The following KCNG3 variants were observed in gnomAD, a reference collection of about 807,000 sequenced individuals.
The protein encoded by KCNG3 is potassium voltage-gated channel modifier subfamily G member 3.
A neutral mutation model predicts 29.0 loss-of-function variants in KCNG3; 15 were observed. The observed-to-expected ratio is 0.52, with a 90% confidence interval of 0.35 to 0.80. The LOEUF is 0.80. Ranked by LOEUF, KCNG3 falls within the 30% of genes least tolerant of loss-of-function variation. KCNG3 has a pLI of 0.01. For synonymous variants in KCNG3, 322 were observed against 248.9 expected, an observed-to-expected ratio of 1.29 and a Z score of -2.76; for missense variants, 512 against 605.7, an observed-to-expected ratio of 0.85 and a Z score of 1.62.
At chr2:42,415,942 C>T in the KCNG3 span, among the ~76,000 whole-genome samples, 35 of 152,170 alleles carry the variant, frequency 2.3e-4, 1 homozygote, top group Non-Finnish European at 4.3e-4. Flanking sequence ...TGGCTGTAAT[C>T]TGAGTACTTT....
At chr2:42,414,138 T>C in the KCNG3 span, among the ~76,000 whole-genome samples, 2 of 152,226 alleles carry the variant, frequency 1.3e-5, no homozygotes, top group Non-Finnish European at 2.9e-5. Flanking sequence ...TTAAAGTTTG[T>C]CAACATGTTT....
At chr2:42,422,363 C>T in the KCNG3 span, among the ~76,000 whole-genome samples, 1 of 152,112 alleles carries the variant, frequency 6.6e-6, no homozygotes, top group Non-Finnish European at 1.5e-5. Flanking sequence ...TGTTATGATA[C>T]AGCTAGAAGG....
intron 1 of KCNG3, among the ~76,000 whole-genome samples, chr2:42,445,168 T>C (rs537618439): frequency 7.2e-5 from 11 of 152,252 alleles, no homozygotes; most frequent in African/African-American, 2.6e-4. Flanking sequence ...CTAATACTTT[T>C]AAAAAATATC....
the KCNG3 span, among the ~76,000 whole-genome samples, chr2:42,419,219 C>CTT: frequency 0.016 from 440 of 27,744 alleles, 121 homozygotes; most frequent in South Asian, 0.035. Context: ...GATGGTATCT[C>CTT]TTTTTTTTTT....
intron 1 of KCNG3, among the ~76,000 whole-genome samples, chr2:42,473,958 C>A (rs1456699803): frequency 6.6e-6 from 1 of 151,956 alleles, no homozygotes; most frequent in Non-Finnish European, 1.5e-5. Flanking sequence ...TCGAGACCAG[C>A]CTGGCCAACA....
the KCNG3 span, among the ~76,000 whole-genome samples, chr2:42,428,475 A>AAAAAAAAAAAAAAAAG: frequency 7.0e-6 from 1 of 143,814 alleles, no homozygotes; most frequent in Non-Finnish European, 1.5e-5. Flanking sequence ...AAAAAAAAAA[A>AAAAAAAAAAAAAAAAG]AAAGAAAAGA....
At position 42,492,832 on chromosome 2, in the gene KCNG3, C is replaced by A. The variant is rs750009524; in HGVS notation, c.665+5G>T. The A allele has an allele frequency of 2.7e-6, 4 of 1,485,336 alleles. No individual in the cohort carries two copies. The highest frequency in any genetic ancestry group is 1.8e-4 in the Middle Eastern group (1 of 5,504). 92.0% of individuals were successfully genotyped at this position (1,485,336 alleles called of 1,614,324 possible). A position where few individuals can be genotyped will look rare whatever the true frequency, so the allele number is the denominator to read the frequency against. On this transcript the variant is annotated splice_donor_5th_base_variant and intron_variant, in intron 1 of 1. Coordinates refer to ENST00000306078, the MANE Select transcript of KCNG3 (RefSeq NM_133329.6). ...CGGGACGGGTAGAGAAGCAGTGCGT[C>A]CTACCCGGAGGGCTCCCTCCCAGGG...
intron 1 of KCNG3, among the ~76,000 whole-genome samples, chr2:42,464,941 T>C (rs1399564281): frequency 6.6e-6 from 1 of 150,892 alleles, no homozygotes; most frequent in Non-Finnish European, 1.5e-5. Flanking sequence ...TATTGCCTAA[T>C]CATGGCACTT....
At chr2:42,469,434 AT>A (rs1267268597) in intron 1 of KCNG3, among the ~76,000 whole-genome samples, 2 of 151,392 alleles carry the variant, frequency 1.3e-5, no homozygotes, top group African/African-American at 4.9e-5. Flanking sequence ...AAAAAAAAAA[AT>A]AGGATAGTGA....
At chr2:42,476,223 G>A (rs1036359035) in intron 1 of KCNG3, among the ~76,000 whole-genome samples, 1 of 151,810 alleles carries the variant, frequency 6.6e-6, no homozygotes, top group Non-Finnish European at 1.5e-5. Flanking sequence ...TGTTATCCCA[G>A]CACTTTGGGA....
chr2:42,452,236 TATATA>T (rs1397558161), intron 1 of KCNG3, among the ~76,000 whole-genome samples: 13 of 69,084 alleles, frequency 1.9e-4, no homozygotes, highest in South Asian at 7.9e-4. Context: ...TATATATATA[TATATA>T]TATTTTTTTT....
At chr2:42,483,162 T>C (rs1364634266) in intron 1 of KCNG3, among the ~76,000 whole-genome samples, 2 of 152,168 alleles carry the variant, frequency 1.3e-5, no homozygotes, top group South Asian at 4.1e-4. Flanking sequence ...ATTTTTTTAA[T>C]TACGTTGTTT....
At chr2:42,407,128 G>T in the KCNG3 span, among the ~76,000 whole-genome samples, 1 of 149,222 alleles carries the variant, frequency 6.7e-6, no homozygotes. Context: ...GAATACATTT[G>T]TCAGTTGTCT....
At chr2:42,454,498 G>A (rs1672833077) in intron 1 of KCNG3, among the ~76,000 whole-genome samples, 1 of 152,132 alleles carries the variant, frequency 6.6e-6, no homozygotes, top group Non-Finnish European at 1.5e-5. Context: ...GATCACCTGA[G>A]GTAAGGAGTT....
the KCNG3 span, among the ~76,000 whole-genome samples, chr2:42,409,662 C>T: frequency 1.5e-5 from 2 of 136,194 alleles, no homozygotes; most frequent in Admixed American, 1.6e-4. Context: ...CATGATTGTG[C>T]CACTGCACTT....
chr2:42,433,062 A>G, the KCNG3 span, among the ~76,000 whole-genome samples: 5 of 152,202 alleles, frequency 3.3e-5, no homozygotes, highest in African/African-American at 7.2e-5. Context: ...GCAATGAAGG[A>G]CTGCAATTTT....
chr2:42,465,169 G>C (rs1673109657), intron 1 of KCNG3, among the ~76,000 whole-genome samples: 1 of 151,324 alleles, frequency 6.6e-6, no homozygotes, highest in African/African-American at 2.4e-5. Flanking sequence ...ATTTAAAAGT[G>C]AAAACTTTAA....
At chr2:42,442,005 G>C (rs1191575447), downstream of KCNG3, 3 of 151,798 alleles carry the variant, frequency 2.0e-5, no homozygotes, top group African/African-American at 7.3e-5. Flanking sequence ...AGCGGTCCCA[G>C]TACCAGTAAA....
chr2:42,407,024 TAAA>T, the KCNG3 span, among the ~76,000 whole-genome samples: 435 of 150,786 alleles, frequency 2.9e-3, 3 homozygotes, highest in African/African-American at 9.3e-3. Context: ...GGTCCACTGT[TAAA>T]AAAAAACAAA....
Sources: allele counts gnomAD v4.1 joint callset (sites outside exome capture counted in the v4.1 genomes callset), GRCh38; gene constraint gnomAD v4.1.1; transcripts MANE v1.5; gene names NCBI Gene and HGNC (gene_info 2026-07-23, HGNC 2026-07-21).